The following FILIP1 variants were observed in gnomAD, a reference collection of about 807,000 sequenced individuals.
FILIP1 encodes filamin-A-interacting protein 1.
Under a neutral mutation model 102.1 loss-of-function variants are expected in FILIP1, and 61 were observed. The observed-to-expected ratio is 0.60, with a 90% CI of 0.49 to 0.74. FILIP1 has a LOEUF of 0.74. Among genes scored for constraint, FILIP1 ranks in the 30% least tolerant of loss-of-function variants. The pLI, the probability that FILIP1 is intolerant of heterozygous loss-of-function variation, is 0.00. For synonymous variants in FILIP1, 491 were observed against 526.9 expected, an observed-to-expected ratio of 0.93 and a Z score of 0.93; for missense variants, 1,314 against 1,441.2, an observed-to-expected ratio of 0.91 and a Z score of 1.43.
In FILIP1 at chr6:75,437,062, G is replaced by T. The variant is rs2703701; in HGVS notation, c.-6-22084C>A. 2.8e-4 allele frequency among the ~76,000 whole-genome samples: 43 copies of T among 152,114 alleles called. 1 individual carries two copies. The highest frequency in any genetic ancestry group is 9.9e-4 in the African/African-American group (41 of 41,498). ...CCCGCTCTCACTTTTCCATGCAGAC[G>T]GAATCAGATTGGAAAAACTTCCCTG... On this transcript the variant is annotated intron_variant, in intron 1 of 5. Coordinates refer to ENST00000237172, the MANE Select transcript of FILIP1 (RefSeq NM_015687.5).
chr6:75,453,716 G>A (rs1449085949), intron 1 of FILIP1, among the ~76,000 whole-genome samples: 2 of 152,152 alleles, frequency 1.3e-5, no homozygotes, highest in African/African-American at 2.4e-5. Flanking sequence ...GGAGGCTGGT[G>A]CAGGTGGATC....
At chr6:75,372,712 AG>A (rs71002734) in intron 2 of FILIP1, among the ~76,000 whole-genome samples, 11,265 of 52,920 alleles carry the variant, frequency 0.21, 2,588 homozygotes, top group African/African-American at 0.34. Flanking sequence ...AAAGAAAGAA[AG>A]GAAAGAAAGA....
At chr6:75,429,927 AC>A (rs1475436675) in intron 1 of FILIP1, among the ~76,000 whole-genome samples, 1 of 152,236 alleles carries the variant, frequency 6.6e-6, no homozygotes, top group Non-Finnish European at 1.5e-5. Flanking sequence ...AGACACACAC[AC>A]AAAAATAAAA....
chr6:75,312,739 G>A lies in FILIP1; in HGVS notation c.3093C>T (p.Pro1031=). The change falls in exon 5 of 6, where the codon CCC becomes CCT. Residue 1031 remains proline, a synonymous_variant. Transcript: ENST00000237172. ...TGACTTTGAGGATTGTCCGTCCCATGGGCATTTCCTGGGATTCGGGAGAAA... is the reference window on the plus strand; with the variant it reads ...TGACTTTGAGGATTGTCCGTCCCATAGGCATTTCCTGGGATTCGGGAGAAA... ...IAVSPESQEM[P]MGRTILKVTP... is the part of the protein sequence containing the mutation. 2.5e-6 allele frequency: 4 copies of A among 1,614,154 alleles called. No homozygotes were observed. The highest frequency in any genetic ancestry group is 3.4e-6 in the Non-Finnish European group (4 of 1,180,028).
chr6:75,470,261 C>G (rs1427648420), intron 1 of FILIP1, among the ~76,000 whole-genome samples: 1 of 151,958 alleles, frequency 6.6e-6, no homozygotes, highest in Non-Finnish European at 1.5e-5. Context: ...CTATATATTG[C>G]CATTGATTGT....
intron 2 of FILIP1, among the ~76,000 whole-genome samples, chr6:75,400,294 A>G (rs1776608513): frequency 6.6e-6 from 1 of 152,222 alleles, no homozygotes; most frequent in Non-Finnish European, 1.5e-5. Context: ...AAGAAAACCC[A>G]GTTTATACTT....
At chr6:75,467,403 A>T (rs1264065621) in intron 1 of FILIP1, among the ~76,000 whole-genome samples, 3 of 152,174 alleles carry the variant, frequency 2.0e-5, no homozygotes, top group South Asian at 2.1e-4. Context: ...ATTAGAAAGA[A>T]AGGGTCCCTC....
In FILIP1 at chr6:75,314,151, T is replaced by C. The variant is rs1773332912; in HGVS notation, c.1681A>G (p.Met561Val). ...GTCAAGTTGTATACTTTTTCCTCCATTTCAGATTTTAGTTTTAAAAGTTTC... is the reference window on the plus strand; with the variant it reads ...GTCAAGTTGTATACTTTTTCCTCCACTTCAGATTTTAGTTTTAAAAGTTTC... ...SKKLLKLKSE[M>V]EEKVYNLTRE... The change falls in exon 5 of 6, where the codon ATG becomes GTG. Residue 561 changes from methionine to valine, a missense_variant. Met to Val is a conservative substitution (Grantham distance 21, BLOSUM62 1). This residue lies in a region of FILIP1 where 816 missense variants were observed against 913.1 expected (regional missense o/e 0.89). Transcript: ENST00000237172. 6.5e-7 allele frequency: 1 copy of C among 1,530,798 alleles called. No individual in the cohort carries two copies. The highest frequency in any genetic ancestry group is 8.7e-7 in the Non-Finnish European group (1 of 1,150,218). 94.8% of individuals were successfully genotyped at this position (1,530,798 alleles called of 1,614,324 possible).
intron 2 of FILIP1, among the ~76,000 whole-genome samples, chr6:75,403,295 T>C (rs1486094181): frequency 6.6e-6 from 1 of 151,922 alleles, no homozygotes; most frequent in Non-Finnish European, 1.5e-5. Context: ...GGGAGGGTTA[T>C]TTGAACTCAG....
intron 2 of FILIP1, among the ~76,000 whole-genome samples, chr6:75,366,814 C>G (rs1775355010): frequency 6.6e-6 from 1 of 152,100 alleles, no homozygotes; most frequent in South Asian, 2.1e-4. Context: ...ATTTCACAAT[C>G]TACTTTTAGG....
At chr6:75,297,478 T>C (rs1772714883) in intron 6 of FILIP1, among the ~76,000 whole-genome samples, 1 of 152,176 alleles carries the variant, frequency 6.6e-6, no homozygotes, top group African/African-American at 2.4e-5. Flanking sequence ...GAATGTCTTA[T>C]ATACCTAAGA....
At chr6:75,358,503 G>A (rs1775076403) in intron 3 of FILIP1, 1 of 152,220 alleles carries the variant, frequency 6.6e-6, no homozygotes, top group Non-Finnish European at 1.5e-5. Context: ...GGAGGACACT[G>A]TAAATGGGCT....
chr6:75,302,796 T>C (rs1415369679), intron 6 of FILIP1, among the ~76,000 whole-genome samples: 1 of 148,760 alleles, frequency 6.7e-6, no homozygotes, highest in Non-Finnish European at 1.5e-5. Context: ...GGTTTTCAAA[T>C]AGAGATGATG....
intron 1 of FILIP1, among the ~76,000 whole-genome samples, chr6:75,427,978 A>G (rs184365055): frequency 1.3e-5 from 2 of 152,008 alleles, no homozygotes; most frequent in Admixed American, 6.6e-5. Context: ...GCCATTTTTA[A>G]AGAGGGTGGG....
At chr6:75,372,682 A>AAAGAAAGG (rs1562514781) in intron 2 of FILIP1, among the ~76,000 whole-genome samples, 1 of 51,776 alleles carries the variant, frequency 1.9e-5, no homozygotes. Flanking sequence ...AGAAAGAAAG[A>AAAGAAAGG]AAGAGAAAGA....
chr6:75,376,952 T>C (rs552897387), intron 2 of FILIP1, among the ~76,000 whole-genome samples: 1 of 152,294 alleles, frequency 6.6e-6, no homozygotes, highest in East Asian at 1.9e-4. Context: ...AAAGATTATA[T>C]TACAGCAGAA....
intron 1 of FILIP1, among the ~76,000 whole-genome samples, chr6:75,463,637 T>A (rs1168928684): frequency 6.6e-6 from 1 of 152,126 alleles, no homozygotes; most frequent in Admixed American, 6.5e-5. Context: ...TAGAATATAT[T>A]TGACCTAGAA....
chr6:75,447,002 A>G (rs1311793125), intron 1 of FILIP1, among the ~76,000 whole-genome samples: 1 of 152,158 alleles, frequency 6.6e-6, no homozygotes, highest in East Asian at 1.9e-4. Flanking sequence ...TGTCATATCA[A>G]ATGAAGTCAC....
chr6:75,296,895 T>C (rs1772697522), intron 6 of FILIP1: 1 of 152,212 alleles, frequency 6.6e-6, no homozygotes, highest in Non-Finnish European at 1.5e-5. Context: ...TAGTAAACTT[T>C]ATGCCTTAAT....
Sources: gnomAD v4.1 joint callset for allele counts (sites outside exome capture counted in the v4.1 genomes callset) on GRCh38, gnomAD v4.1.1 for gene constraint, gnomAD v4.1.1 regional missense constraint, MANE v1.5 for transcripts, NCBI Gene and HGNC (gene_info 2026-07-23, HGNC 2026-07-21) for gene names.